KIF13A: variants seen among roughly 807,000 people sequenced by gnomAD.
KIF13A encodes kinesin family member 13A, also known as kinesin-like protein KIF13A.
In KIF13A, 79 loss-of-function variants were observed where a neutral mutation model predicts 212.2. The ratio of observed to expected loss-of-function variants is 0.37; its 90% CI spans 0.31 to 0.45. The LOEUF (loss-of-function observed/expected upper bound fraction) is 0.45, where lower values mean the gene tolerates loss of function less well. Among genes scored for constraint, KIF13A ranks in the 20% least tolerant of loss-of-function variants. The pLI, the probability that KIF13A is intolerant of heterozygous loss-of-function variation, is 1.00. For synonymous variants in KIF13A, 789 were observed against 808.6 expected (o/e 0.98, Z 0.41); for missense variants, 1,901 against 2,209.0 (o/e 0.86, Z 2.79).
At position 17,779,740 on chromosome 6, in the gene KIF13A, G is replaced by GTTTT. The variant is rs201272106; in HGVS notation, c.3847-57_3847-56insAAAA. On this transcript the variant is annotated intron_variant, in intron 31 of 38. Transcript: ENST00000259711. ...CTATGTGACAAATGTAAGTTATTTT[G>GTTTT]TATTTTTTTTTTTTTTTTTGAGATG... 258 of 478,192 alleles carry GTTTT rather than the reference G, an allele frequency of 5.4e-4. 1 individual carries two copies. The highest frequency in any genetic ancestry group is 8.6e-4 in the East Asian group (12 of 13,960). 29.6% of individuals were successfully genotyped at this position (478,192 alleles called of 1,614,324 possible).
rs1762305245 is a variant in KIF13A at position 17,799,479 on chromosome 6, C to T, written c.2617-40G>A. On this transcript the variant is annotated intron_variant, in intron 21 of 38. Coordinates refer to ENST00000259711, the MANE Select transcript of KIF13A (RefSeq NM_022113.6). This position sits in a 1 kb window ranked among gnomAD's most constrained non-coding sequence, Gnocchi z 4.4. Reference sequence around the variant, plus strand: ...AATACAAATAAAACTCCAATGAACACTAAACATTCTTTCATTTCAGCTACC... The same window carrying T: ...AATACAAATAAAACTCCAATGAACATTAAACATTCTTTCATTTCAGCTACC... The T allele has an allele frequency of 1.4e-6, 2 of 1,414,210 alleles. No individual in the cohort carries two copies. The highest frequency in any genetic ancestry group is 1.9e-6 in the Non-Finnish European group (2 of 1,061,182). The allele number at this position is 1,414,210 out of a possible 1,614,324, so 87.6% of individuals were successfully genotyped here.
intron 2 of KIF13A, among the ~76,000 whole-genome samples, chr6:17,921,841 A>T (rs1775102876): frequency 6.6e-6 from 1 of 152,184 alleles, no homozygotes; most frequent in Non-Finnish European, 1.5e-5. Context: ...CCCCAGTAGA[A>T]GTTTTGTTTT....
chr6:17,854,195 G>C (rs1767927373), intron 6 of KIF13A, among the ~76,000 whole-genome samples: 1 of 152,186 alleles, frequency 6.6e-6, no homozygotes, highest in Non-Finnish European at 1.5e-5. Flanking sequence ...CTGGAATGTG[G>C]TGGCATGATC....
intron 2 of KIF13A, among the ~76,000 whole-genome samples, chr6:17,906,605 C>T (rs1488399367): frequency 5.9e-5 from 9 of 151,924 alleles, no homozygotes; most frequent in African/African-American, 1.7e-4. Context: ...TGCACTACCA[C>T]ACCCAGCTAA....
intron 3 of KIF13A, among the ~76,000 whole-genome samples, chr6:17,880,100 C>G (rs1386638549): frequency 6.6e-6 from 1 of 152,080 alleles, no homozygotes; most frequent in Non-Finnish European, 1.5e-5. Flanking sequence ...GGACTACAGG[C>G]GCATGCCACC....
chr6:17,891,558 G>A (rs765284725), intron 3 of KIF13A, among the ~76,000 whole-genome samples: 1 of 152,162 alleles, frequency 6.6e-6, no homozygotes, highest in Non-Finnish European at 1.5e-5. Context: ...AGGAGTTTGA[G>A]ACCAGCCTGA....
chr6:17,775,104 T>A lies in KIF13A; in HGVS notation c.4171-42A>T, dbSNP rs757379620. 6.7e-6 allele frequency: 10 copies of A among 1,499,084 alleles called. No homozygotes were observed. In the East Asian group the frequency reaches 2.4e-4, roughly 35 times the overall value. 92.9% of individuals were successfully genotyped at this position (1,499,084 alleles called of 1,614,324 possible). On this transcript the variant is annotated intron_variant, in intron 34 of 38. Transcript: ENST00000259711. ...GTTTTAGCAATGTGGTTTATATATT[T>A]AATATAAGGGGTTTTTTTTATATAA...
Position 17,837,641 on chromosome 6 carries a change from A to G in KIF13A, c.831-58T>C, listed in dbSNP as rs114458016. The G allele has an allele frequency of 1.3e-3, 1,558 of 1,167,004 alleles. 12 individuals carry two copies. In the African/African-American group the frequency reaches 0.019, roughly 15 times the overall value. 72.3% of individuals were successfully genotyped at this position (1,167,004 alleles called of 1,614,324 possible). A position where few individuals can be genotyped will look rare whatever the true frequency, so the allele number is the denominator to read the frequency against. ...GAATGTTTATTTGGTTTAAGTATAA[A>G]ATATGCAGAACAATAAAGCTCCACA... On this transcript the variant is annotated intron_variant, in intron 9 of 38. Coordinates refer to ENST00000259711, the MANE Select transcript of KIF13A (RefSeq NM_022113.6). This position sits in a 1 kb window ranked among gnomAD's most constrained non-coding sequence, Gnocchi z 5.4.
chr6:17,784,351 G>A (rs1760864679), intron 28 of KIF13A, among the ~76,000 whole-genome samples: 1 of 152,086 alleles, frequency 6.6e-6, no homozygotes, highest in Non-Finnish European at 1.5e-5. Flanking sequence ...CTGGGAGATC[G>A]AGGTTGCAGT....
Position 17,982,511 on chromosome 6 carries a change from C to A in KIF13A, c.146+4543G>T. On this transcript the variant is annotated intron_variant, in intron 2 of 38. Transcript: ENST00000259711. This position sits in a 1 kb window ranked among gnomAD's most constrained non-coding sequence, Gnocchi z 5.1. The stretch of plus-strand genomic sequence containing the variant: ...GAGGAAGCTTTCTTCAACTGACCCT[C>A]CCTCACACGATTTGCAAGGTGTATT... The A allele has an allele frequency of 2.6e-6, 2 of 758,098 alleles. No individual in the cohort carries two copies. Among genetic ancestry groups the A allele is most frequent in the Non-Finnish European group, 3.2e-6 (2 of 622,938 alleles). 47.0% of individuals were successfully genotyped at this position (758,098 alleles called of 1,614,324 possible).
Position 17,763,899 on chromosome 6 carries a change from A to T in KIF13A, c.*211T>A. ...TGAACACTTCATTCAACACCAACCC[A>T]TGTGCCAGGTAAAAAAATCCACTGG... On this transcript the variant is annotated 3_prime_UTR_variant, in exon 39 of 39. Transcript: ENST00000259711. The T allele has an allele frequency of 7.1e-7, 1 of 1,416,868 alleles. No individual in the cohort carries two copies. The highest frequency in any genetic ancestry group is 9.2e-7 in the Non-Finnish European group (1 of 1,089,700). 87.8% of individuals were successfully genotyped at this position (1,416,868 alleles called of 1,614,324 possible). A position where few individuals can be genotyped will look rare whatever the true frequency, so the allele number is the denominator to read the frequency against.
At chr6:17,859,046 T>C (rs962145315) in intron 4 of KIF13A, among the ~76,000 whole-genome samples, 11 of 152,236 alleles carry the variant, frequency 7.2e-5, no homozygotes, top group Admixed American at 6.5e-4. Flanking sequence ...GTGGTACTTC[T>C]GGTTTCTGCT....
At chr6:17,873,786 T>C (rs1333456278) in intron 3 of KIF13A, among the ~76,000 whole-genome samples, 1 of 152,052 alleles carries the variant, frequency 6.6e-6, no homozygotes, top group East Asian at 1.9e-4. Context: ...CAGGAGGTCT[T>C]GCCCTATTGC....
chr6:17,882,340 A>G (rs2150453331), intron 3 of KIF13A, among the ~76,000 whole-genome samples: 1 of 152,250 alleles, frequency 6.6e-6, no homozygotes, highest in East Asian at 1.9e-4. Flanking sequence ...CAAAACAAGT[A>G]TTCTTTTTCT....
intron 18 of KIF13A, 110 bp downstream of exon 18, chr6:17,808,658 G>A: frequency 2.1e-6 from 2 of 947,782 alleles, no homozygotes; most frequent in Non-Finnish European, 3.0e-6. Flanking sequence ...AAACATCTCT[G>A]GCTGATATCA....
rs549935511 is a variant in KIF13A at position 17,947,957 on chromosome 6, G to A, written c.146+39097C>T. ...ATTTTTTCCACAAATATTTGATAAG[G>A]CAAATGCAGCAAAGCTTTAAAATGT... On this transcript the variant is annotated intron_variant, in intron 2 of 38. Coordinates refer to ENST00000259711, the MANE Select transcript of KIF13A (RefSeq NM_022113.6). The surrounding 1 kb of genome is among the most constrained non-coding windows in gnomAD (Gnocchi z 4.6). Among the ~76,000 whole-genome samples the A allele has an allele frequency of 2.0e-5, 3 of 152,204 alleles. No homozygotes were observed. The highest frequency in any genetic ancestry group is 2.0e-4 in the Admixed American group (3 of 15,290).
In KIF13A at chr6:17,843,468, G is replaced by C. The variant is rs924643609; in HGVS notation, c.831-5885C>G. 4.6e-5 allele frequency among the ~76,000 whole-genome samples: 7 copies of C among 152,206 alleles called. No homozygotes were observed. The highest frequency in any genetic ancestry group is 1.0e-4 in the Non-Finnish European group (7 of 68,040). On this transcript the variant is annotated intron_variant, in intron 9 of 38. Coordinates refer to ENST00000259711, the MANE Select transcript of KIF13A (RefSeq NM_022113.6). This position sits in a 1 kb window ranked among gnomAD's most constrained non-coding sequence, Gnocchi z 5.3. ...GAAAACTGTTGTTCTTCTGATAAAA[G>C]AAGGTACAAATTCAGCTGACAGAAG...
At chr6:17,858,115 A>G (rs1049209734) in intron 4 of KIF13A, among the ~76,000 whole-genome samples, 1 of 133,988 alleles carries the variant, frequency 7.5e-6, no homozygotes, top group African/African-American at 2.7e-5. Flanking sequence ...GTGTGTGTGC[A>G]TGCACGCATG....
intron 2 of KIF13A, among the ~76,000 whole-genome samples, chr6:17,908,294 T>C (rs778428667): frequency 6.6e-6 from 1 of 152,160 alleles, no homozygotes; most frequent in Non-Finnish European, 1.5e-5. Flanking sequence ...TATTATATTG[T>C]TGACAGATTT....
Sources: gnomAD v4.1 joint callset for allele counts (sites outside exome capture counted in the v4.1 genomes callset) on GRCh38, gnomAD v4.1.1 for gene constraint, Gnocchi (gnomAD v3.1) non-coding constraint, MANE v1.5 for transcripts, NCBI Gene and HGNC (gene_info 2026-07-23, HGNC 2026-07-21) for gene names.